The following CTNNA2 variants were observed in gnomAD, a reference collection of about 807,000 sequenced individuals.
CTNNA2 encodes catenin alpha 2.
A neutral mutation model predicts 101.0 loss-of-function variants in CTNNA2; 42 were observed. The ratio of observed to expected loss-of-function variants is 0.42; its 90% CI spans 0.32 to 0.54. The LOEUF (loss-of-function observed/expected upper bound fraction) is 0.54, where lower values mean the gene tolerates loss of function less well. CTNNA2 is among the 20% of genes least tolerant of loss of function. CTNNA2 has a pLI of 0.14. For missense variants in CTNNA2, 871 were observed against 1,223.1 expected, an observed-to-expected ratio of 0.71 and a Z score of 4.29; for synonymous variants, 450 against 456.4, an observed-to-expected ratio of 0.99 and a Z score of 0.18.
At chr2:80,637,966 G>C (rs182404278) in intron 18 of CTNNA2, among the ~76,000 whole-genome samples, 102 of 152,274 alleles carry the variant, frequency 6.7e-4, no homozygotes, top group Admixed American at 1.7e-3. Context: ...TTCATACAAG[G>C]TTAGGCAGTT....
chr2:80,192,994 A>G (rs1041237186), intron 7 of CTNNA2, among the ~76,000 whole-genome samples: 2 of 152,172 alleles, frequency 1.3e-5, no homozygotes, highest in African/African-American at 4.8e-5. Context: ...AGGTGTATAC[A>G]GGATTGTAGG....
intron 7 of CTNNA2, among the ~76,000 whole-genome samples, chr2:79,948,106 G>A (rs1243577379): frequency 1.3e-5 from 2 of 152,190 alleles, no homozygotes; most frequent in South Asian, 2.1e-4. Flanking sequence ...TGTGCTAGGT[G>A]AATAAAAGGA....
At position 80,601,417 on chromosome 2, in the gene CTNNA2, C is replaced by CTTTTTTTTTTTTTTTTTTTTTTTT. The variant is rs375645223; in HGVS notation, c.2190-2654_2190-2653insTTTTTTTTTTTTTTTTTTTTTTTT. ...GATTTAATGACTTTTTTCTTTCTTT[C>CTTTTTTTTTTTTTTTTTTTTTTTT]TTTCTTTTTTTTTTTTTTTGATGAG... On this transcript the variant is annotated intron_variant, in intron 15 of 18. Transcript: ENST00000402739. Among the ~76,000 whole-genome samples, 147 of 94,068 alleles carry CTTTTTTTTTTTTTTTTTTTTTTTT rather than the reference C, an allele frequency of 1.6e-3. 6 individuals are homozygous for CTTTTTTTTTTTTTTTTTTTTTTTT. Among genetic ancestry groups the CTTTTTTTTTTTTTTTTTTTTTTTT allele is most frequent in the East Asian group, 2.3e-3 (6 of 2,604 alleles). The allele number at this position is 94,068 out of a possible 152,430, so 61.7% of individuals were successfully genotyped here. A position where few individuals can be genotyped will look rare whatever the true frequency, so the allele number is the denominator to read the frequency against.
chr2:80,534,047 A>G (rs1252414849), intron 9 of CTNNA2, among the ~76,000 whole-genome samples: 1 of 152,118 alleles, frequency 6.6e-6, no homozygotes, highest in Non-Finnish European at 1.5e-5. Flanking sequence ...TTGTTCATGA[A>G]TGTGAGCTGG....
At chr2:79,230,407 C>A (rs1674474518) in intron 2 of CTNNA2, among the ~76,000 whole-genome samples, 1 of 152,214 alleles carries the variant, frequency 6.6e-6, no homozygotes, top group Admixed American at 6.5e-5. Context: ...ACCTTGGCAG[C>A]TTACACGTGG....
chr2:79,294,187 A>G (rs188915628), intron 2 of CTNNA2, among the ~76,000 whole-genome samples: 3 of 148,252 alleles, frequency 2.0e-5, no homozygotes, highest in Admixed American at 6.7e-5. Context: ...GAGAGAGAGA[A>G]AGAGAGAGAG....
At chr2:79,671,570 G>T (rs1306550502) in intron 2 of CTNNA2, among the ~76,000 whole-genome samples, 1 of 152,210 alleles carries the variant, frequency 6.6e-6, no homozygotes, top group African/African-American at 2.4e-5. Flanking sequence ...TGTATCTTTT[G>T]AAAAGGAATG....
rs113387383 is a variant in CTNNA2, at chr2:79,550,889, C to T, written c.-6+37682C>T. On this transcript the variant is annotated intron_variant, in intron 1 of 18. Transcript: ENST00000402739. ...AGTTCTGCCTCCAAGGACTGCTGTG[C>T]CCTTCCCACTATATCTAAAGACCTT... Among the ~76,000 whole-genome samples, 4 of 152,278 alleles carry T rather than the reference C, an allele frequency of 2.6e-5. 1 individual carries two copies. Among genetic ancestry groups the T allele is most frequent in the African/African-American group, 9.6e-5 (4 of 41,546 alleles).
chr2:79,347,865 T>C (rs1356813507), intron 3 of CTNNA2, among the ~76,000 whole-genome samples: 1 of 148,444 alleles, frequency 6.7e-6, no homozygotes, highest in Non-Finnish European at 1.5e-5. Flanking sequence ...GACCAAACAG[T>C]CCCACAAGGA....
chr2:80,148,071 G>A (rs1480572169), intron 7 of CTNNA2, among the ~76,000 whole-genome samples: 1 of 152,080 alleles, frequency 6.6e-6, no homozygotes, highest in Non-Finnish European at 1.5e-5. Flanking sequence ...TTTGGTAAAT[G>A]TACATAGCTC....
At chr2:80,512,872 G>A (rs1449335719) in intron 9 of CTNNA2, among the ~76,000 whole-genome samples, 1 of 151,538 alleles carries the variant, frequency 6.6e-6, no homozygotes, top group East Asian at 1.9e-4. Context: ...TGGCCTTTTG[G>A]AGGGCCGTTG....
chr2:79,689,380 A>G (rs1306646762), intron 2 of CTNNA2, among the ~76,000 whole-genome samples: 1 of 152,000 alleles, frequency 6.6e-6, no homozygotes, highest in Non-Finnish European at 1.5e-5. Context: ...GGATTCTGAA[A>G]TGGCTGAAAC....
intron 1 of CTNNA2, among the ~76,000 whole-genome samples, chr2:79,568,781 G>A (rs1675275341): frequency 6.7e-6 from 1 of 149,608 alleles, no homozygotes; most frequent in Admixed American, 6.7e-5. Flanking sequence ...CAGCACTTTG[G>A]GAGGCTGAGG....
intron 1 of CTNNA2, chr2:79,197,914 C>G (rs1673984476): frequency 6.6e-6 from 1 of 152,422 alleles, no homozygotes; most frequent in Admixed American, 6.5e-5. Context: ...GCTGAGACTA[C>G]AGGCGCATGC....
chr2:80,241,220 C>T (rs1442816949), intron 7 of CTNNA2, among the ~76,000 whole-genome samples: 2 of 147,270 alleles, frequency 1.4e-5, no homozygotes, highest in Non-Finnish European at 2.9e-5. Flanking sequence ...TTTATGGAGT[C>T]CTTTTTTTTT....
chr2:79,832,702 T>C (rs1217262845), intron 3 of CTNNA2, among the ~76,000 whole-genome samples: 1 of 152,180 alleles, frequency 6.6e-6, no homozygotes, highest in Non-Finnish European at 1.5e-5. Flanking sequence ...TGTGATTTCA[T>C]TTCAGCCTTG....
rs565318092 is a variant in CTNNA2 at position 79,260,053 on chromosome 2, C to T, written c.-405-52656C>T. Among the ~76,000 whole-genome samples the T allele has an allele frequency of 1.2e-4, 18 of 152,280 alleles. No homozygotes were observed. The South Asian group carries it at 1.5e-3, about 12-fold the overall frequency. On this transcript the variant is annotated intron_variant, in intron 2 of 21. Transcript: ENST00000466387. ...TGTTTTCCCACTTAGTCACTTCTGA[C>T]TTAGATAACATTCCCCAGAATCAAC...
At chr2:80,262,247 C>A (rs1345508511) in intron 7 of CTNNA2, among the ~76,000 whole-genome samples, 1 of 152,012 alleles carries the variant, frequency 6.6e-6, no homozygotes, top group East Asian at 1.9e-4. Context: ...TATTTTCACT[C>A]ATTTTATAAT....
chr2:79,306,545 C>G (rs116445081), intron 2 of CTNNA2, among the ~76,000 whole-genome samples: 9,743 of 152,286 alleles, frequency 0.064, 355 homozygotes, highest in South Asian at 0.12. Context: ...CTCCATCCTT[C>G]TAATATAACA....
Sources: allele counts gnomAD v4.1 joint callset (sites outside exome capture counted in the v4.1 genomes callset), GRCh38; gene constraint gnomAD v4.1.1; transcripts MANE v1.5; gene names NCBI Gene and HGNC (gene_info 2026-07-23, HGNC 2026-07-21).